The following SORCS1 variants were observed in gnomAD, a reference collection of about 807,000 sequenced individuals.
The protein encoded by SORCS1 is sortilin related VPS10 domain containing receptor 1, also known as VPS10 domain-containing receptor SorCS1.
Under a neutral mutation model 146.1 loss-of-function variants are expected in SORCS1, and 60 were observed. The ratio of observed to expected loss-of-function variants is 0.41; its 90% confidence interval spans 0.33 to 0.51. SORCS1 has a LOEUF of 0.51. SORCS1 is among the 20% of genes least tolerant of loss of function. SORCS1 has a pLI of 0.21. For synonymous variants in SORCS1, 637 were observed against 584.0 expected (o/e 1.09, Z -1.31); for missense variants, 1,352 against 1,487.6 (o/e 0.91, Z 1.50).
At chr10:106,697,740 T>C (rs577318017) in intron 9 of SORCS1, among the ~76,000 whole-genome samples, 3 of 152,310 alleles carry the variant, frequency 2.0e-5, no homozygotes, top group Non-Finnish European at 2.9e-5. Flanking sequence ...TTTATCTCCA[T>C]ATTTTAAGCA....
intron 2 of SORCS1, among the ~76,000 whole-genome samples, chr10:106,891,213 G>A (rs561214746): frequency 1.3e-5 from 2 of 152,280 alleles, no homozygotes; most frequent in African/African-American, 4.8e-5. Context: ...AGTACTTGAT[G>A]AAATTAATCA....
intron 1 of SORCS1, among the ~76,000 whole-genome samples, chr10:107,057,415 C>CT (rs1221676129): frequency 6.6e-6 from 1 of 152,164 alleles, no homozygotes; most frequent in African/African-American, 2.4e-5. Flanking sequence ...TTATAAAACT[C>CT]TATCAGTCTC....
Position 106,634,185 on chromosome 10 carries a change from G to C in SORCS1, c.2476-4797C>G, listed in dbSNP as rs185230326. On this transcript the variant is annotated intron_variant, in intron 18 of 25. Coordinates refer to ENST00000263054, the MANE Select transcript of SORCS1 (RefSeq NM_052918.5). ...CACGCAGCCAAGATTAGCAAACTTC[G>C]CTAGGAAAATGAGTTGCTGGGTGGT... Among the ~76,000 whole-genome samples, 52 of 152,262 alleles carry C rather than the reference G, an allele frequency of 3.4e-4. No homozygotes were observed. In the East Asian group the frequency reaches 8.1e-3, roughly 24 times the overall value.
At chr10:106,955,052 C>A (rs1274602439) in intron 2 of SORCS1, among the ~76,000 whole-genome samples, 1 of 152,238 alleles carries the variant, frequency 6.6e-6, no homozygotes, top group Non-Finnish European at 1.5e-5. Context: ...GAGGCATGGG[C>A]TAGAGCAGAG....
At chr10:106,850,540 C>T (rs375526856) in intron 2 of SORCS1, among the ~76,000 whole-genome samples, 30 of 152,246 alleles carry the variant, frequency 2.0e-4, no homozygotes, top group South Asian at 6.2e-4. Context: ...AGAAATCACC[C>T]GTCTTCTGCG....
At chr10:106,603,865 G>C (rs748713216) in intron 23 of SORCS1, among the ~76,000 whole-genome samples, 21 of 152,266 alleles carry the variant, frequency 1.4e-4, no homozygotes, top group Non-Finnish European at 3.1e-4. Flanking sequence ...CCATGTCCTT[G>C]TCTAGTCTTG....
chr10:106,959,057 A>C (rs1955098175), intron 1 of SORCS1, among the ~76,000 whole-genome samples: 2 of 152,218 alleles, frequency 1.3e-5, no homozygotes, highest in South Asian at 4.1e-4. Context: ...TCTTGTGATG[A>C]GGGAATTCAA....
intron 23 of SORCS1, among the ~76,000 whole-genome samples, chr10:106,606,276 C>T (rs1252091050): frequency 0.014 from 123 of 8,788 alleles, 3 homozygotes; most frequent in African/African-American, 0.023. Context: ...CACAGATATA[C>T]ACACACACAC....
chr10:107,039,287 C>T (rs370804565), intron 1 of SORCS1, among the ~76,000 whole-genome samples: 1 of 141,520 alleles, frequency 7.1e-6, no homozygotes, highest in Non-Finnish European at 1.5e-5. Flanking sequence ...TAGATCGCGT[C>T]ACTGCACTCC....
chr10:107,031,154 C>T (rs115050558), intron 1 of SORCS1, among the ~76,000 whole-genome samples: 1,599 of 152,308 alleles, frequency 0.01, 25 homozygotes, highest in African/African-American at 0.037. Context: ...AGAAGTTTCT[C>T]ATCTTGGTTT....
At position 107,065,447 on chromosome 10, in the gene SORCS1, C is replaced by CTTTT. The variant is rs1203348261; in HGVS notation, c.558+98518_558+98521dup. Among the ~76,000 whole-genome samples, 318 of 122,864 alleles carry CTTTT rather than the reference C, an allele frequency of 2.6e-3. 7 individuals carry two copies. Among genetic ancestry groups the CTTTT allele is most frequent in the Middle Eastern group, 8.1e-3 (2 of 246 alleles). The allele number at this position is 122,864 out of a possible 152,430, so 80.6% of individuals were successfully genotyped here. A position where few individuals can be genotyped will look rare whatever the true frequency, so the allele number is the denominator to read the frequency against. On this transcript the variant is annotated intron_variant, in intron 1 of 25. Transcript: ENST00000263054. ...TCTTTCTTTCTTTCTTTCTTTCTTT[C>CTTTT]TTTTCTCTCTTTCTCTCTCCCTCTC...
At chr10:106,964,651 A>T (rs1265195950) in intron 1 of SORCS1, among the ~76,000 whole-genome samples, 1 of 151,856 alleles carries the variant, frequency 6.6e-6, no homozygotes, top group Non-Finnish European at 1.5e-5. Context: ...CACACCTGGC[A>T]AATTTTTTAT....
intron 1 of SORCS1, among the ~76,000 whole-genome samples, chr10:107,112,739 A>G (rs1038420914): frequency 5.9e-5 from 9 of 152,238 alleles, no homozygotes; most frequent in Non-Finnish European, 1.3e-4. Flanking sequence ...GGCTATACTT[A>G]TATCAGACAA....
intron 1 of SORCS1, among the ~76,000 whole-genome samples, chr10:106,978,229 G>T (rs1362544046): frequency 6.6e-6 from 1 of 152,154 alleles, no homozygotes; most frequent in Admixed American, 6.5e-5. Flanking sequence ...ACAGGTGTAA[G>T]CCACCATGCC....
Position 106,882,213 on chromosome 10 carries a change from C to T in SORCS1, c.627-52540G>A, listed in dbSNP as rs142532104. On this transcript the variant is annotated intron_variant, in intron 2 of 25. Transcript: ENST00000263054. ...TTTGACTTCCCTAGGCCATATTGGA[C>T]GAAGAAGAATTGTCTTGGGCCACAC... is the stretch of plus-strand genomic sequence containing the variant. 2.0e-3 allele frequency among the ~76,000 whole-genome samples: 304 copies of T among 151,454 alleles called. 4 individuals are homozygous for T. Among genetic ancestry groups the T allele is most frequent in the African/African-American group, 6.6e-3 (272 of 41,210 alleles).
intron 1 of SORCS1, among the ~76,000 whole-genome samples, chr10:107,014,967 G>C (rs996481751): frequency 6.6e-6 from 1 of 152,140 alleles, no homozygotes; most frequent in Non-Finnish European, 1.5e-5. Context: ...CAACTACTAA[G>C]AGAATATATT....
intron 1 of SORCS1, among the ~76,000 whole-genome samples, chr10:107,116,764 TATAATC>T (rs1966066426): frequency 6.6e-6 from 1 of 152,204 alleles, no homozygotes. Context: ...ATTAATTTGT[TATAATC>T]ATTACACAAA....
rs191909292 is a variant in SORCS1 at position 106,911,328 on chromosome 10, G to A, written c.626+45185C>T. Among the ~76,000 whole-genome samples, 10 of 152,274 alleles carry A rather than the reference G, an allele frequency of 6.6e-5. No individual in the cohort carries two copies. In the East Asian group the frequency reaches 1.2e-3, roughly 18 times the overall value. Reference sequence around the variant, plus strand: ...TTTACAGCAGAGTGTACCACCATCCGGTGACACATTGAGATTCCCTTCTGT... The same window carrying A: ...TTTACAGCAGAGTGTACCACCATCCAGTGACACATTGAGATTCCCTTCTGT... On this transcript the variant is annotated intron_variant, in intron 2 of 25. Transcript: ENST00000263054.
chr10:106,872,883 T>C (rs1027996793), intron 2 of SORCS1, among the ~76,000 whole-genome samples: 9 of 152,146 alleles, frequency 5.9e-5, no homozygotes, highest in African/African-American at 2.2e-4. Flanking sequence ...AAAATTAACA[T>C]AATTTCCTTG....
Sources: gnomAD v4.1 joint callset for allele counts (sites outside exome capture counted in the v4.1 genomes callset) on GRCh38, gnomAD v4.1.1 for gene constraint, MANE v1.5 for transcripts, NCBI Gene and HGNC (gene_info 2026-07-23, HGNC 2026-07-21) for gene names.